The following ATAD2 variants were observed in gnomAD, a reference collection of about 807,000 sequenced individuals.
ATAD2 encodes the protein ATPase family AAA domain containing 2, also known as ATPase family AAA domain-containing protein 2.
In ATAD2, 62 loss-of-function variants were observed where a neutral mutation model predicts 168.9. The observed-to-expected ratio is 0.37, with a 90% CI of 0.30 to 0.45. The LOEUF is 0.45. Ranked by LOEUF, ATAD2 falls within the 20% of genes least tolerant of loss-of-function variation. The pLI is 1.00. For synonymous variants in ATAD2, 613 were observed against 571.6 expected, an observed-to-expected ratio of 1.07 and a Z score of -1.03; for missense variants, 1,419 against 1,667.8, an observed-to-expected ratio of 0.85 and a Z score of 2.60.
intron 10 of ATAD2, 71 bp downstream of exon 10, chr8:123,359,506 C>CT: frequency 2.1e-6 from 3 of 1,425,854 alleles, no homozygotes; most frequent in Admixed American, 2.2e-5. Flanking sequence ...TCATTGGTTC[C>CT]TTTTTTTAAC....
At chr8:123,370,720 C>T (rs1421048134) in intron 6 of ATAD2, among the ~76,000 whole-genome samples, 183 bp downstream of exon 6, 2 of 152,086 alleles carry the variant, frequency 1.3e-5, no homozygotes, top group Non-Finnish European at 2.9e-5. Flanking sequence ...ATTTCAGTTA[C>T]TTTCCCAAAC....
In ATAD2 at chr8:123,391,907, T is replaced by G. The variant is rs1026142935; in HGVS notation, c.171+4280A>C. 5.3e-5 allele frequency among the ~76,000 whole-genome samples: 8 copies of G among 152,294 alleles called. No individual in the cohort carries two copies. The East Asian group carries it at 1.5e-3, about 29-fold the overall frequency. ...TATAATTTGGTCTACACAGACACCT[T>G]GATGTATAAAAGGGAGGAGAACTTT... On this transcript the variant is annotated intron_variant, in intron 1 of 27. Transcript: ENST00000287394.
chr8:123,375,723 C>A (rs1212901611), intron 2 of ATAD2, among the ~76,000 whole-genome samples: 6 of 152,212 alleles, frequency 3.9e-5, no homozygotes, highest in African/African-American at 1.4e-4. Context: ...GTAATTCCAG[C>A]ATTTTGGGAG....
intron 1 of ATAD2, among the ~76,000 whole-genome samples, chr8:123,408,711 T>G (rs1265496592): frequency 6.6e-6 from 1 of 152,202 alleles, no homozygotes; most frequent in Non-Finnish European, 1.5e-5. Context: ...GAGACAGGGT[T>G]TCACCATGTT....
At chr8:123,394,669 T>C (rs1812748025) in intron 1 of ATAD2, among the ~76,000 whole-genome samples, 1 of 152,092 alleles carries the variant, frequency 6.6e-6, no homozygotes, top group Admixed American at 6.6e-5. Context: ...ATTTAACCAG[T>C]ATTCAATATA....
chr8:123,320,959 C>T lies in ATAD2; in HGVS notation c.*175G>A. On this transcript the variant is annotated 3_prime_UTR_variant, in exon 28 of 28. Coordinates refer to ENST00000287394, the MANE Select transcript of ATAD2 (RefSeq NM_014109.4). The stretch of plus-strand genomic sequence containing the variant: ...TCCAATATTTATCAGTTATCTTACA[C>T]ATGACATTTATCTTAATATGTACAT... 1 of 586,592 alleles carries T rather than the reference C, an allele frequency of 1.7e-6. No homozygotes were observed. The highest frequency in any genetic ancestry group is 2.9e-6 in the Non-Finnish European group (1 of 345,364). The allele number at this position is 586,592 out of a possible 1,614,324, so 36.3% of individuals were successfully genotyped here. A position where few individuals can be genotyped will look rare whatever the true frequency, so the allele number is the denominator to read the frequency against.
At chr8:123,390,189 G>T (rs1363325297) in intron 1 of ATAD2, among the ~76,000 whole-genome samples, 1 of 151,638 alleles carries the variant, frequency 6.6e-6, no homozygotes, top group Non-Finnish European at 1.5e-5. Flanking sequence ...ATGTTGGCTA[G>T]GCTGGTCTTG....
chr8:123,377,091 C>CAAAAAAAAAA lies in ATAD2; in HGVS notation c.320+3428_320+3437dup, dbSNP rs58655606. ...GGGCAAAAAGAGTGAGACTCCGTCT[C>CAAAAAAAAAA]AAAAAAAAAAAAAAAAAAAAAGAGC... On this transcript the variant is annotated intron_variant, in intron 2 of 27. Transcript: ENST00000287394. 4.9e-3 allele frequency among the ~76,000 whole-genome samples: 133 copies of CAAAAAAAAAA among 27,214 alleles called. 28 individuals carry two copies. Among genetic ancestry groups the CAAAAAAAAAA allele is most frequent in the African/African-American group, 0.013 (75 of 5,796 alleles). The allele number at this position is 27,214 out of a possible 152,430, so 17.9% of individuals were successfully genotyped here. A position where few individuals can be genotyped will look rare whatever the true frequency, so the allele number is the denominator to read the frequency against.
chr8:123,349,172 T>G (rs1448702734), intron 14 of ATAD2, 113 bp downstream of exon 14: 1 of 1,092,632 alleles, frequency 9.2e-7, no homozygotes, highest in East Asian at 2.6e-5. Context: ...TACTATCATT[T>G]GACAAGACCA....
In ATAD2 at chr8:123,351,086, T is replaced by A. The variant is rs1828441678; in HGVS notation, c.1647-1642A>T. Among the ~76,000 whole-genome samples, 4 of 152,038 alleles carry A rather than the reference T, an allele frequency of 2.6e-5. No individual in the cohort carries two copies. In the South Asian group the frequency reaches 8.3e-4, roughly 32 times the overall value. The stretch of plus-strand genomic sequence containing the variant: ...GGCTAAACCATTTGGGATGGCATAT[T>A]TCACAGGAAGATACCACGTAATTCC... On this transcript the variant is annotated intron_variant, in intron 13 of 27. Coordinates refer to ENST00000287394, the MANE Select transcript of ATAD2 (RefSeq NM_014109.4).
intron 27 of ATAD2, among the ~76,000 whole-genome samples, chr8:123,322,189 T>C (rs1246555227): frequency 2.0e-5 from 3 of 152,166 alleles, no homozygotes; most frequent in African/African-American, 2.4e-5. Flanking sequence ...GGTTTCACCA[T>C]GTTGGCCAGG....
At chr8:123,342,500 G>A (rs1475849472) in intron 19 of ATAD2, 1 of 151,608 alleles carries the variant, frequency 6.6e-6, no homozygotes, top group East Asian at 1.9e-4. Context: ...AAAAAAGAAA[G>A]AGAAATGAAA....
chr8:123,389,982 A>AT (rs1234801120), intron 1 of ATAD2, among the ~76,000 whole-genome samples: 32 of 110,850 alleles, frequency 2.9e-4, no homozygotes, highest in African/African-American at 1.4e-3. Flanking sequence ...ATATATATAT[A>AT]TATTTTTTTT....
In ATAD2 at chr8:123,347,112, G is replaced by C. The variant is rs771427035; in HGVS notation, c.2192C>G (p.Thr731Arg). Residue 731 changes from threonine (T) to arginine (R), a missense_variant, in exon 16 of 28, where the codon ACA (threonine) becomes AGA (arginine). Physicochemically the swap from Thr to Arg is moderately conservative, Grantham distance 71. Transcript: ENST00000287394. Reference protein sequence around the residue: ...QRVFPHAEFRTNKTLDSDISC... With the variant: ...QRVFPHAEFRRNKTLDSDISC... ...TATACCTGAGTCTAATGTTTTATTT[G>C]TTCTGAATTCTGCATGTGGAAATAC... The C allele has an allele frequency of 6.2e-7, 1 of 1,612,188 alleles. No homozygotes were observed.
chr8:123,371,746 C>T lies in ATAD2; in HGVS notation c.460G>A (p.Val154Met). The change falls in exon 4 of 28, where the codon GTG (valine) becomes ATG (methionine). Residue 154 changes from valine to methionine, a missense_variant. Val to Met is a conservative substitution (Grantham distance 21, BLOSUM62 1). Around this residue, in one of 5 missense-constraint regions of ATAD2, gnomAD observed 419 missense variants for 423.5 expected, o/e 0.99. Coordinates refer to ENST00000287394, the MANE Select transcript of ATAD2 (RefSeq NM_014109.4). ...HLHEDNGDVE[V>M]RRSCRIRSRY... Reference sequence around the variant, plus strand: ...CTTCTAATCCTACAACTTCGACGCACTTCAACATCACCATTATCTTCATGT... The same window carrying T: ...CTTCTAATCCTACAACTTCGACGCATTTCAACATCACCATTATCTTCATGT... The T allele has an allele frequency of 6.2e-7, 1 of 1,613,732 alleles. No individual in the cohort carries two copies. Among genetic ancestry groups the T allele is most frequent in the Non-Finnish European group, 8.5e-7 (1 of 1,179,842 alleles).
intron 24 of ATAD2, among the ~76,000 whole-genome samples, 171 bp from the exon 25 acceptor site, chr8:123,328,750 G>C (rs533538265): frequency 2.0e-5 from 3 of 151,896 alleles, no homozygotes; most frequent in Admixed American, 6.6e-5. Context: ...GGAGAAGTGG[G>C]TAAGGCCCAG....
upstream of ATAD2, among the ~76,000 whole-genome samples, chr8:123,398,952 C>T (rs1319348233): frequency 6.6e-6 from 1 of 152,154 alleles, no homozygotes; most frequent in Non-Finnish European, 1.5e-5. Context: ...GCAGAGTTTA[C>T]TATTACTTGG....
intron 26 of ATAD2, among the ~76,000 whole-genome samples, chr8:123,325,100 T>C (rs911551239): frequency 2.6e-5 from 3 of 115,852 alleles, no homozygotes; most frequent in East Asian, 2.1e-4. Context: ...GTAATAATTC[T>C]TTTTTTTTTT....
At chr8:123,409,619 A>C (rs988166935) in intron 1 of ATAD2, among the ~76,000 whole-genome samples, 1 of 151,784 alleles carries the variant, frequency 6.6e-6, no homozygotes, top group Non-Finnish European at 1.5e-5. Flanking sequence ...CAGTCTCCCA[A>C]AGTGCTGGGA....
Sources: gnomAD v4.1 joint callset for allele counts (sites outside exome capture counted in the v4.1 genomes callset) on GRCh38, gnomAD v4.1.1 for gene constraint, gnomAD v4.1.1 regional missense constraint, MANE v1.5 for transcripts, NCBI Gene and HGNC (gene_info 2026-07-23, HGNC 2026-07-21) for gene names.